KIF13A: variants seen among roughly 807,000 people sequenced by gnomAD.
The protein encoded by KIF13A is kinesin-like protein KIF13A.
Under a neutral mutation model 212.2 loss-of-function variants are expected in KIF13A, and 79 were observed. The observed-to-expected ratio is 0.37, with a 90% confidence interval of 0.31 to 0.45. The LOEUF is 0.45. Ranked by LOEUF, KIF13A falls within the 20% of genes least tolerant of loss-of-function variation. The pLI, the probability that KIF13A is intolerant of heterozygous loss-of-function variation, is 1.00. For synonymous variants in KIF13A, 789 were observed against 808.6 expected (o/e 0.98, Z 0.41); for missense variants, 1,901 against 2,209.0 (o/e 0.86, Z 2.79).
chr6:17,841,700 G>A (rs1042362249), intron 9 of KIF13A, among the ~76,000 whole-genome samples: 1 of 152,016 alleles, frequency 6.6e-6, no homozygotes, highest in Non-Finnish European at 1.5e-5. Context: ...TTCAAAACAA[G>A]AACTCTATCT....
At chr6:17,969,885 A>G (rs1779653355) in intron 2 of KIF13A, among the ~76,000 whole-genome samples, 1 of 151,814 alleles carries the variant, frequency 6.6e-6, no homozygotes, top group South Asian at 2.1e-4. Context: ...GTTTTAAAAT[A>G]TACCATACAA....
chr6:17,836,797 A>G, intron 11 of KIF13A, 81 bp downstream of exon 11: 1 of 1,240,210 alleles, frequency 8.1e-7, no homozygotes, highest in South Asian at 1.3e-5. Flanking sequence ...ATGACCTACA[A>G]TTGCAAATGA....
chr6:17,844,504 G>A (rs139032521), intron 9 of KIF13A, among the ~76,000 whole-genome samples: 2 of 152,316 alleles, frequency 1.3e-5, no homozygotes, highest in East Asian at 1.9e-4. Flanking sequence ...ACTGCAGGAC[G>A]TCTCCGAGCT....
At chr6:17,835,232 A>AAG (rs1765838209) in intron 11 of KIF13A, among the ~76,000 whole-genome samples, 1 of 127,946 alleles carries the variant, frequency 7.8e-6, no homozygotes. Context: ...AAAAAAAAAA[A>AAG]AAAAAAAGAA....
At position 17,871,732 on chromosome 6, in the gene KIF13A, T is replaced by C. The variant is rs1443091337; in HGVS notation, c.220+1645A>G. On this transcript the variant is annotated intron_variant, in intron 4 of 38. Coordinates refer to ENST00000259711, the MANE Select transcript of KIF13A (RefSeq NM_022113.6). The surrounding 1 kb of genome is among the most constrained non-coding windows in gnomAD (Gnocchi z 4.4). ...TGTAGTCCAAAGAGTATAGATTTTTTCTAGCATGTGATGAGGAGTCCTGGA... is the reference window on the plus strand; with the variant it reads ...TGTAGTCCAAAGAGTATAGATTTTTCCTAGCATGTGATGAGGAGTCCTGGA... Among the ~76,000 whole-genome samples, 1 of 152,184 alleles carries C rather than the reference T, an allele frequency of 6.6e-6. No homozygotes were observed.
Position 17,838,879 on chromosome 6 carries a change from A to G in KIF13A, c.831-1296T>C, listed in dbSNP as rs1274193658. Among the ~76,000 whole-genome samples, 1 of 152,116 alleles carries G rather than the reference A, an allele frequency of 6.6e-6. No homozygotes were observed. The highest frequency in any genetic ancestry group is 1.9e-4 in the East Asian group (1 of 5,184). On this transcript the variant is annotated intron_variant, in intron 9 of 38. Transcript: ENST00000259711. The surrounding 1 kb of genome is among the most constrained non-coding windows in gnomAD (Gnocchi z 4.2). ...ACCCAGGCTGGAGTTCAGTGGCATG[A>G]TATGATTTTGGCTCAATGCAACCTC... is the stretch of plus-strand genomic sequence containing the variant.
At chr6:17,831,326 G>A (rs963110852) in intron 12 of KIF13A, 91 bp from the exon 13 acceptor site, 1 of 1,412,398 alleles carries the variant, frequency 7.1e-7, no homozygotes, top group African/African-American at 1.4e-5. Flanking sequence ...CTGTTTCTGG[G>A]GACAATGCCA....
chr6:17,886,264 C>A lies in KIF13A; in HGVS notation c.159+11904G>T, dbSNP rs1345950634. Among the ~76,000 whole-genome samples the A allele has an allele frequency of 6.6e-6, 1 of 152,346 alleles. No homozygotes were observed. Among genetic ancestry groups the A allele is most frequent in the African/African-American group, 2.4e-5 (1 of 41,586 alleles). ...TTTCTTGTGCCTATCTCTCCAGTCCCCTCTGCCTCACTGCACCATGCCAGG... is the reference window on the plus strand; with the variant it reads ...TTTCTTGTGCCTATCTCTCCAGTCCACTCTGCCTCACTGCACCATGCCAGG... On this transcript the variant is annotated intron_variant, in intron 3 of 38. Transcript: ENST00000259711. This position sits in a 1 kb window ranked among gnomAD's most constrained non-coding sequence, Gnocchi z 5.6.
rs1402800774 is a variant in KIF13A, at chr6:17,804,311, A to G, written c.2454+50T>C. ...ATAGAATGAAAAACAAAATAAAACA[A>G]AACAAAAAACTTGAACCACCATCGT... On this transcript the variant is annotated intron_variant, in intron 20 of 38. Coordinates refer to ENST00000259711, the MANE Select transcript of KIF13A (RefSeq NM_022113.6). 5.5e-6 allele frequency: 8 copies of G among 1,443,734 alleles called. No homozygotes were observed. In the East Asian group the frequency reaches 1.5e-4, roughly 28 times the overall value. 89.4% of individuals were successfully genotyped at this position (1,443,734 alleles called of 1,614,324 possible).
At chr6:17,944,623 A>G (rs1042458360) in intron 2 of KIF13A, among the ~76,000 whole-genome samples, 6 of 152,212 alleles carry the variant, frequency 3.9e-5, no homozygotes, top group Admixed American at 3.3e-4. Flanking sequence ...GAGAGGCAGC[A>G]GAAGCCCAGG....
At chr6:17,845,069 C>T (rs563005679) in intron 9 of KIF13A, among the ~76,000 whole-genome samples, 17 of 152,186 alleles carry the variant, frequency 1.1e-4, no homozygotes, top group South Asian at 6.2e-4. Context: ...CTGGGGAGGC[C>T]TCACAATCAT....
At chr6:17,910,419 G>C (rs1329661339) in intron 2 of KIF13A, among the ~76,000 whole-genome samples, 1 of 152,198 alleles carries the variant, frequency 6.6e-6, no homozygotes, top group Non-Finnish European at 1.5e-5. Flanking sequence ...ACAGCTTTCA[G>C]TTTCCTTTCC....
At chr6:17,795,153 T>TGGATA (rs1761921774) in intron 23 of KIF13A, 1 of 157,616 alleles carries the variant, frequency 6.3e-6, no homozygotes, top group Non-Finnish European at 1.4e-5. Context: ...TTCATCCATA[T>TGGATA]GGATATAAAC....
intron 2 of KIF13A, among the ~76,000 whole-genome samples, chr6:17,960,437 C>G (rs185738239): frequency 1.3e-5 from 2 of 152,310 alleles, no homozygotes; most frequent in East Asian, 3.9e-4. Flanking sequence ...GCTAAGCAAA[C>G]TCTCCCCACA....
At chr6:17,931,730 C>A (rs1776001844) in intron 2 of KIF13A, among the ~76,000 whole-genome samples, 1 of 151,892 alleles carries the variant, frequency 6.6e-6, no homozygotes, top group South Asian at 2.1e-4. Flanking sequence ...TAAGACTGGA[C>A]AATAGAAGAC....
chr6:17,815,048 G>C (rs6918058), intron 17 of KIF13A, among the ~76,000 whole-genome samples: 34,125 of 152,196 alleles, frequency 0.22, 3,982 homozygotes, highest in South Asian at 0.37. Flanking sequence ...AGGGGAAAGA[G>C]TGTGAGCCAT....
chr6:17,822,043 C>T (rs200713007), intron 16 of KIF13A: 252 of 586,106 alleles, frequency 4.3e-4, no homozygotes, highest in Non-Finnish European at 5.3e-4. Context: ...AACATAACTT[C>T]TTTTTTTTTT....
Position 17,890,811 on chromosome 6 carries a change from A to ATAATAATAATAG in KIF13A, c.159+7356_159+7357insCTATTATTATTA, listed in dbSNP as rs1288717408. 3.2e-4 allele frequency among the ~76,000 whole-genome samples: 47 copies of ATAATAATAATAG among 148,846 alleles called. 1 individual carries two copies. The highest frequency in any genetic ancestry group is 1.2e-3 in the African/African-American group (47 of 40,640). On this transcript the variant is annotated intron_variant, in intron 3 of 38. Coordinates refer to ENST00000259711, the MANE Select transcript of KIF13A (RefSeq NM_022113.6). ...CCAGCTAATAATAATAATAATAATA[A>ATAATAATAATAG]TAATAATGTTATTATTACTATTGTT...
At chr6:17,960,249 A>G (rs1778699638) in intron 2 of KIF13A, among the ~76,000 whole-genome samples, 1 of 152,234 alleles carries the variant, frequency 6.6e-6, no homozygotes, top group African/African-American at 2.4e-5. Context: ...AACTAAAAAA[A>G]AGTAAACATT....
Sources: gnomAD v4.1 joint callset for allele counts (sites outside exome capture counted in the v4.1 genomes callset) on GRCh38, gnomAD v4.1.1 for gene constraint, Gnocchi (gnomAD v3.1) non-coding constraint, MANE v1.5 for transcripts, NCBI Gene and HGNC (gene_info 2026-07-23, HGNC 2026-07-21) for gene names.